The following PALM2AKAP2 variants were observed in gnomAD, a reference collection of about 807,000 sequenced individuals.
PALM2AKAP2 encodes the protein PALM2-AKAP2 fusion protein.
A neutral mutation model predicts 71.5 loss-of-function variants in PALM2AKAP2; 37 were observed. The ratio of observed to expected loss-of-function variants is 0.52; its 90% CI spans 0.40 to 0.68. PALM2AKAP2 has a LOEUF of 0.68. Among genes scored for constraint, PALM2AKAP2 ranks in the 30% least tolerant of loss-of-function variants. The pLI, the probability that PALM2AKAP2 is intolerant of heterozygous loss-of-function variation, is 0.00. For missense variants in PALM2AKAP2, 1,224 were observed against 1,191.8 expected (o/e 1.03, Z -0.40); for synonymous variants, 468 against 478.8 (o/e 0.98, Z 0.29).
chr9:110,165,797 C>T (rs1400879839), intron 3 of PALM2AKAP2, among the ~76,000 whole-genome samples: 1 of 152,138 alleles, frequency 6.6e-6, no homozygotes, highest in Non-Finnish European at 1.5e-5. Context: ...AGCACTGTGC[C>T]TTATACTTGG....
chr9:109,852,660 A>C (rs1029313677), intron 1 of PALM2AKAP2, among the ~76,000 whole-genome samples: 3 of 152,180 alleles, frequency 2.0e-5, no homozygotes, highest in Non-Finnish European at 4.4e-5. Context: ...ACAGAGTATA[A>C]ATGTTCCCTT....
chr9:109,891,498 T>G (rs1209806825), intron 3 of PALM2AKAP2, among the ~76,000 whole-genome samples: 1 of 152,146 alleles, frequency 6.6e-6, no homozygotes, highest in African/African-American at 2.4e-5. Flanking sequence ...TGTGTGTGTG[T>G]GTGTGAGACA....
At chr9:109,869,968 T>C (rs1829562569) in intron 2 of PALM2AKAP2, among the ~76,000 whole-genome samples, 1 of 152,088 alleles carries the variant, frequency 6.6e-6, no homozygotes, top group Non-Finnish European at 1.5e-5. Context: ...GTGGACAGAA[T>C]GAGGGTGAGT....
At chr9:109,745,672 A>T (rs1290891477) in intron 1 of PALM2AKAP2, among the ~76,000 whole-genome samples, 3 of 152,196 alleles carry the variant, frequency 2.0e-5, no homozygotes, top group African/African-American at 7.2e-5. Flanking sequence ...TAGTAAACAC[A>T]TTTAGAAAAA....
chr9:110,112,394 A>G (rs1272358770), intron 1 of PALM2AKAP2, among the ~76,000 whole-genome samples: 1 of 152,180 alleles, frequency 6.6e-6, no homozygotes, highest in African/African-American at 2.4e-5. Context: ...CTGAGCTTCA[A>G]TGTGTTCATC....
exon 2 of PALM2AKAP2, chr9:110,137,938 G>T (rs1307012770): frequency 1.2e-6 from 2 of 1,614,064 alleles, no homozygotes; most frequent in African/African-American, 2.7e-5. Context: ...ACCCCTTGGA[G>T]TATCAGGCTG....
At chr9:109,729,842 C>T (rs1047580550) in intron 1 of PALM2AKAP2, among the ~76,000 whole-genome samples, 1 of 152,278 alleles carries the variant, frequency 6.6e-6, no homozygotes, top group Admixed American at 6.5e-5. Context: ...AAGGAACTAG[C>T]ATTGTGGAAA....
intron 1 of PALM2AKAP2, among the ~76,000 whole-genome samples, chr9:110,096,941 T>C (rs992717494): frequency 2.2e-5 from 2 of 92,332 alleles, no homozygotes; most frequent in African/African-American, 1.5e-4. Flanking sequence ...TATTTATTTA[T>C]TTATTTATTT....
intron 6 of PALM2AKAP2, among the ~76,000 whole-genome samples, chr9:109,967,728 G>T (rs912705086): frequency 1.3e-5 from 2 of 152,168 alleles, no homozygotes; most frequent in Non-Finnish European, 2.9e-5. Flanking sequence ...ATGTCTTGAA[G>T]GGAGAAGTGT....
At chr9:109,995,975 C>T (rs1832568545) in intron 6 of PALM2AKAP2, among the ~76,000 whole-genome samples, 2 of 152,196 alleles carry the variant, frequency 1.3e-5, no homozygotes, top group South Asian at 4.1e-4. Flanking sequence ...TTGCTCTCCA[C>T]TCTGCCTTCA....
chr9:109,750,135 G>A (rs563189623), intron 1 of PALM2AKAP2, among the ~76,000 whole-genome samples: 7 of 152,280 alleles, frequency 4.6e-5, no homozygotes, highest in South Asian at 2.1e-4. Flanking sequence ...AAGAAACTCC[G>A]TGAAACAGGA....
chr9:109,836,589 G>A (rs1158939207), intron 1 of PALM2AKAP2, among the ~76,000 whole-genome samples: 1 of 152,222 alleles, frequency 6.6e-6, no homozygotes, highest in Admixed American at 6.5e-5. Flanking sequence ...CCGAGCTAAA[G>A]GAGGAAGTTC....
intron 6 of PALM2AKAP2, among the ~76,000 whole-genome samples, chr9:109,957,461 C>T (rs1329266912): frequency 6.6e-6 from 1 of 152,244 alleles, no homozygotes; most frequent in Non-Finnish European, 1.5e-5. Context: ...TCAATGCAAG[C>T]TGTAAACTGG....
chr9:110,041,220 TA>T (rs1833506967), intron 7 of PALM2AKAP2, among the ~76,000 whole-genome samples: 1 of 152,014 alleles, frequency 6.6e-6, no homozygotes, highest in Non-Finnish European at 1.5e-5. Flanking sequence ...CCTACATAGA[TA>T]CCCACTTTTC....
intron 1 of PALM2AKAP2, among the ~76,000 whole-genome samples, chr9:109,641,882 G>C (rs769137692): frequency 9.9e-5 from 15 of 152,194 alleles, no homozygotes; most frequent in Admixed American, 2.0e-4. Flanking sequence ...TGATTGTGTA[G>C]ATGCAATTTA....
chr9:110,102,613 C>T (rs1240011520), intron 1 of PALM2AKAP2, among the ~76,000 whole-genome samples: 2 of 152,042 alleles, frequency 1.3e-5, no homozygotes, highest in Non-Finnish European at 2.9e-5. Flanking sequence ...CCCCTCCCCT[C>T]CCCTCCCCAT....
At chr9:109,863,628 C>T (rs910167725) in intron 1 of PALM2AKAP2, among the ~76,000 whole-genome samples, 2 of 152,114 alleles carry the variant, frequency 1.3e-5, no homozygotes, top group Admixed American at 6.6e-5. Context: ...TGGGCTATCC[C>T]GGTGAGGAGC....
chr9:110,026,662 A>G (rs1276380918), intron 7 of PALM2AKAP2, among the ~76,000 whole-genome samples: 1 of 152,118 alleles, frequency 6.6e-6, no homozygotes, highest in Non-Finnish European at 1.5e-5. Context: ...GCTCCTGTCA[A>G]CCACCTAAAT....
intron 1 of PALM2AKAP2, among the ~76,000 whole-genome samples, chr9:109,654,487 A>G (rs1407082164): frequency 6.6e-6 from 1 of 152,170 alleles, no homozygotes; most frequent in African/African-American, 2.4e-5. Context: ...TCAGTTATGG[A>G]TTCTTGATTG....
Sources: gnomAD v4.1 joint callset for allele counts (sites outside exome capture counted in the v4.1 genomes callset) on GRCh38, gnomAD v4.1.1 for gene constraint, MANE v1.5 for transcripts, NCBI Gene and HGNC (gene_info 2026-07-23, HGNC 2026-07-21) for gene names.